The following FHIT variants were observed in gnomAD, a reference collection of about 807,000 sequenced individuals.
The protein encoded by FHIT is bis(5'-adenosyl)-triphosphatase.
Under a neutral mutation model 17.9 loss-of-function variants are expected in FHIT, and 19 were observed. The ratio of observed to expected loss-of-function variants is 1.06; its 90% CI spans 0.74 to 1.56. FHIT has a LOEUF of 1.56. FHIT is among the 40% of genes most tolerant of loss of function. The probability of loss-of-function intolerance (pLI) is 0.00; values close to 1 mark genes in which losing one functional copy is unlikely to be tolerated. For synonymous variants in FHIT, 81 were observed against 69.7 expected (o/e 1.16, Z -0.81); for missense variants, 248 against 189.2 (o/e 1.31, Z -1.82).
At chr3:60,818,445 T>G (rs1701811255) in intron 4 of FHIT, among the ~76,000 whole-genome samples, 1 of 152,194 alleles carries the variant, frequency 6.6e-6, no homozygotes, top group South Asian at 2.1e-4. Flanking sequence ...GGGTAGCAGC[T>G]CGAATCTCAG....
intron 4 of FHIT, among the ~76,000 whole-genome samples, chr3:60,543,260 T>C (rs1431395065): frequency 2.0e-5 from 3 of 152,174 alleles, no homozygotes; most frequent in Admixed American, 2.0e-4. Context: ...ATTTGGTTTA[T>C]AGGGGGAGTT....
intron 8 of FHIT, among the ~76,000 whole-genome samples, chr3:59,809,933 T>A (rs1487809869): frequency 1.3e-5 from 2 of 152,184 alleles, no homozygotes; most frequent in African/African-American, 2.4e-5. Flanking sequence ...ATGTTGATTA[T>A]AATTTTTATC....
intron 2 of FHIT, among the ~76,000 whole-genome samples, chr3:61,096,455 G>C (rs1423695308): frequency 6.6e-6 from 1 of 152,218 alleles, no homozygotes; most frequent in Non-Finnish European, 1.5e-5. Flanking sequence ...AGGCAAGATT[G>C]AACCAACTCA....
intron 8 of FHIT, among the ~76,000 whole-genome samples, chr3:59,788,879 A>ATGTTTTTTTTTTTTTTTTT (rs1553676982): frequency 6.0e-4 from 2 of 3,324 alleles, no homozygotes; most frequent in African/African-American, 1.9e-3. Context: ...CTGAGTTCAT[A>ATGTTTTTTTTTTTTTTTTT]TGTTTTTTTT....
intron 5 of FHIT, among the ~76,000 whole-genome samples, chr3:60,454,922 T>C (rs1266591022): frequency 6.6e-6 from 1 of 151,936 alleles, no homozygotes; most frequent in African/African-American, 2.4e-5. Context: ...AACTTGGGTA[T>C]TACCCAAGTT....
intron 5 of FHIT, among the ~76,000 whole-genome samples, chr3:60,471,024 C>G (rs886700479): frequency 3.3e-5 from 5 of 152,206 alleles, no homozygotes; most frequent in Non-Finnish European, 5.9e-5. Flanking sequence ...GAAGCCAAGG[C>G]CTAGAACAGA....
chr3:61,248,095 T>A (rs1234010805), intron 1 of FHIT, among the ~76,000 whole-genome samples: 1 of 152,232 alleles, frequency 6.6e-6, no homozygotes, highest in African/African-American at 2.4e-5. Context: ...GGCTGAGATT[T>A]TTCTCTGCAA....
chr3:60,961,273 TGGG>T (rs1559867770), intron 3 of FHIT, among the ~76,000 whole-genome samples: 1 of 146,064 alleles, frequency 6.8e-6, no homozygotes, highest in African/African-American at 2.4e-5. Flanking sequence ...CACTTTTTGA[TGGG>T]GTTGTTTGTT....
chr3:60,659,811 C>G (rs2040198808), intron 4 of FHIT, among the ~76,000 whole-genome samples: 1 of 152,080 alleles, frequency 6.6e-6, no homozygotes, highest in African/African-American at 2.4e-5. Context: ...TTTGAATGTG[C>G]CATACTTGCC....
At chr3:60,886,204 A>G (rs1705216470) in intron 3 of FHIT, among the ~76,000 whole-genome samples, 1 of 152,244 alleles carries the variant, frequency 6.6e-6, no homozygotes, top group African/African-American at 2.4e-5. Flanking sequence ...GGTTAATACC[A>G]TGAATGGCTA....
At chr3:60,251,588 T>G (rs1314173075) in intron 5 of FHIT, among the ~76,000 whole-genome samples, 2 of 152,236 alleles carry the variant, frequency 1.3e-5, no homozygotes, top group African/African-American at 4.8e-5. Flanking sequence ...TCTTTGGGAA[T>G]AGTTATGCCA....
At position 60,671,634 on chromosome 3, in the gene FHIT, G is replaced by C. The variant is rs533605198; in HGVS notation, c.-17-134655C>G. 2.0e-4 allele frequency among the ~76,000 whole-genome samples: 30 copies of C among 152,126 alleles called. No individual in the cohort carries two copies. In the South Asian group the frequency reaches 4.8e-3, roughly 24 times the overall value. On this transcript the variant is annotated intron_variant, in intron 4 of 9. Coordinates refer to ENST00000492590, the MANE Select transcript of FHIT (RefSeq NM_002012.4). ...ATATCTGAAAGTTCTTAAAGTTTTA[G>C]TTGAGTAAACATTTAGAATTATTGG...
At chr3:60,312,059 T>C (rs1708973146) in intron 5 of FHIT, among the ~76,000 whole-genome samples, 1 of 152,312 alleles carries the variant, frequency 6.6e-6, no homozygotes, top group African/African-American at 2.4e-5. Flanking sequence ...TCTGAGTACT[T>C]AGCATACAGC....
intron 3 of FHIT, among the ~76,000 whole-genome samples, chr3:60,869,918 C>G (rs1553754677): frequency 2.6e-5 from 4 of 152,076 alleles, no homozygotes; most frequent in African/African-American, 9.7e-5. Flanking sequence ...CCAAGGGGCC[C>G]TCAGTACCCT....
intron 5 of FHIT, among the ~76,000 whole-genome samples, chr3:60,203,605 T>C (rs529113674): frequency 1.3e-5 from 2 of 152,328 alleles, no homozygotes. Flanking sequence ...TGTGCAACTA[T>C]ATAATAACTA....
At position 60,196,112 on chromosome 3, in the gene FHIT, G is replaced by A. The variant is rs9859836; in HGVS notation, c.104-181960C>T. On this transcript the variant is annotated intron_variant, in intron 5 of 9. Coordinates refer to ENST00000492590, the MANE Select transcript of FHIT (RefSeq NM_002012.4). ...ATGGACATATTAGTTTATTATTGCC[G>A]CTGTCACAAATTACCACATACTTAG... 2.0e-3 allele frequency among the ~76,000 whole-genome samples: 305 copies of A among 152,160 alleles called. 1 individual carries two copies. Among genetic ancestry groups the A allele is most frequent in the African/African-American group, 5.2e-3 (214 of 41,510 alleles).
chr3:59,849,958 T>A (rs111658675), intron 8 of FHIT, among the ~76,000 whole-genome samples: 3 of 152,168 alleles, frequency 2.0e-5, no homozygotes, highest in Admixed American at 6.6e-5. Flanking sequence ...TACACAACTA[T>A]ATGCACTAAC....
In FHIT at chr3:60,584,085, T is replaced by C. The variant is rs145726190; in HGVS notation, c.-17-47106A>G. 8.4e-4 allele frequency among the ~76,000 whole-genome samples: 127 copies of C among 152,076 alleles called. 1 individual carries two copies. The Middle Eastern group carries it at 0.014, about 16-fold the overall frequency. On this transcript the variant is annotated intron_variant, in intron 4 of 9. Transcript: ENST00000492590. ...TATAGGTACAGTTCCTTAGAGAAAA[T>C]AGCTCCACAGAATGACCAGGACCTA... is the stretch of plus-strand genomic sequence containing the variant.
intron 5 of FHIT, among the ~76,000 whole-genome samples, chr3:60,454,400 C>A (rs1249671807): frequency 7.2e-6 from 1 of 138,446 alleles, no homozygotes; most frequent in Admixed American, 7.2e-5. Context: ...TTTTTTTTTT[C>A]TTGAGACAGA....
Sources: gnomAD v4.1 joint callset for allele counts (sites outside exome capture counted in the v4.1 genomes callset) on GRCh38, gnomAD v4.1.1 for gene constraint, MANE v1.5 for transcripts, NCBI Gene and HGNC (gene_info 2026-07-23, HGNC 2026-07-21) for gene names.